Variants in SEC16A observed in about 807,000 individuals in gnomAD.
The protein encoded by SEC16A is SEC16 homolog A, endoplasmic reticulum export factor, also known as protein transport protein Sec16A.
SEC16A carries 110 observed loss-of-function variants against 221.9 expected under a neutral mutation model. The observed-to-expected ratio is 0.50, with a 90% CI of 0.42 to 0.58. The LOEUF (loss-of-function observed/expected upper bound fraction) is 0.58. Among genes scored for constraint, SEC16A ranks in the 20% least tolerant of loss-of-function variants. SEC16A has a pLI of 0.00. For missense variants in SEC16A, 3,165 were observed against 3,097.8 expected (o/e 1.02, Z -0.52); for synonymous variants, 1,393 against 1,257.7 (o/e 1.11, Z -2.28).
In SEC16A at chr9:136,443,872, C is replaced by T. The variant is rs750910008; in HGVS notation, c.6956G>A (p.Gly2319Asp). The change falls in exon 31 of 32, where the codon GGC becomes GAC. Residue 2319 changes from glycine to aspartate, a missense_variant. By Grantham distance (94) the Gly-to-Asp change is moderately conservative. Transcript: ENST00000684901. ...QAPGDLPAAG[G>D]PPSGAMPFYN... Reference sequence around the variant, plus strand: ...GAAGGGCATGGCCCCGCTGGGAGGGCCCCCTGCAGCAGGGAGGTCGCCAGG... The same window carrying T: ...GAAGGGCATGGCCCCGCTGGGAGGGTCCCCTGCAGCAGGGAGGTCGCCAGG... 1.2e-6 allele frequency: 2 copies of T among 1,610,576 alleles called. No individual in the cohort carries two copies. Among genetic ancestry groups the T allele is most frequent in the Admixed American group, 3.4e-5 (2 of 59,448 alleles).
In SEC16A at chr9:136,441,571, G is replaced by A. The variant is rs180890317; in HGVS notation, c.*184C>T. ...TTTCCATCCAGAATCTGAAAGGATG[G>A]TGGAATTAATTTTCAAAATAATTCA... On this transcript the variant is annotated 3_prime_UTR_variant, in exon 32 of 32. Coordinates refer to ENST00000684901, the MANE Select transcript of SEC16A (RefSeq NM_014866.2). 5.1e-6 allele frequency: 3 copies of A among 585,548 alleles called. No individual in the cohort carries two copies. Among genetic ancestry groups the A allele is most frequent in the Non-Finnish European group, 9.3e-6 (3 of 323,922 alleles). The allele number at this position is 585,548 out of a possible 1,614,324, so 36.3% of individuals were successfully genotyped here.
At position 136,440,379 on chromosome 9, in the gene SEC16A, ATCCTGGG is replaced by A; in HGVS notation, c.*1369_*1375del. 1 of 152,642 alleles carries A rather than the reference ATCCTGGG, an allele frequency of 6.6e-6. No homozygotes were observed. The allele number at this position is 152,642 out of a possible 1,614,324, so 9.5% of individuals were successfully genotyped here. Reference sequence around the variant, plus strand: ...ACGCCTGTGGAACATTTTGGAAAACATCCTGGGTGGTCTGGGCTAAATGATCAAGTGA... The same window carrying A: ...ACGCCTGTGGAACATTTTGGAAAACATGGTCTGGGCTAAATGATCAAGTGA... On this transcript the variant is annotated 3_prime_UTR_variant, in exon 32 of 32. Transcript: ENST00000684901.
chr9:136,462,930 T>G lies in SEC16A; in HGVS notation c.4850A>C (p.Glu1617Ala). The change falls in exon 12 of 32, where the codon GAG (glutamate) becomes GCG (alanine). Residue 1617 changes from glutamate (E) to alanine (A), a missense_variant. Physicochemically the swap from Glu to Ala is moderately radical, Grantham distance 107. Transcript: ENST00000684901. ...CAACAGCTCCCTGAACCTCTCGGTCTCTCTCTCGAGCGAGCTGGCGGCAGC... is the reference window on the plus strand; with the variant it reads ...CAACAGCTCCCTGAACCTCTCGGTCGCTCTCTCGAGCGAGCTGGCGGCAGC... ...PAAAASSLER[E>A]TERFRELLLY... 6.2e-7 allele frequency: 1 copy of G among 1,604,108 alleles called. No homozygotes were observed. Among genetic ancestry groups the G allele is most frequent in the East Asian group, 2.2e-5 (1 of 44,882 alleles).
In SEC16A at chr9:136,475,321, C is replaced by T. The variant is rs1216456042; in HGVS notation, c.2295G>A (p.Met765Ile). ...TTGGGTTCCGTGACTGCTGCCCGGACATCGCCTCTTCTGGAGGCTGAACAA... is the reference window on the plus strand; with the variant it reads ...TTGGGTTCCGTGACTGCTGCCCGGATATCGCCTCTTCTGGAGGCTGAACAA... ...PPVVQPPEEA[M>I]SGQQSRNPSS... The change falls in exon 3 of 32, where the codon ATG (methionine) becomes ATA (isoleucine). Residue 765 changes from methionine (M) to isoleucine (I), a missense_variant. Physicochemically the swap from Met to Ile is conservative, Grantham distance 10. Coordinates refer to ENST00000684901, the MANE Select transcript of SEC16A (RefSeq NM_014866.2). The surrounding 1 kb of genome is among the most constrained non-coding windows in gnomAD (Gnocchi z 5.0). The T allele has an allele frequency of 2.5e-6, 4 of 1,612,854 alleles. No individual in the cohort carries two copies. The highest frequency in any genetic ancestry group is 3.4e-6 in the Non-Finnish European group (4 of 1,179,222).
At chr9:136,483,672 A>T (rs891541746), upstream of SEC16A, 5 of 985,458 alleles carry the variant, frequency 5.1e-6, no homozygotes, top group East Asian at 3.4e-4. Flanking sequence ...ATCAGTCTGC[A>T]GGACCGATGC....
At position 136,468,468 on chromosome 9, in the gene SEC16A, C is replaced by T; in HGVS notation, c.3749G>A (p.Ser1250Asn). ...GCTTGCATAGTAATCGCTCTGACTG[C>T]TCCATCCACTTTTGGAACTATAGTA... ...EGYYSSKSGWSSQSDYYASYY... is the reference protein window; with the variant it reads ...EGYYSSKSGWNSQSDYYASYY... The change falls in exon 5 of 32, where the codon AGC becomes AAC. Residue 1250 changes from serine to asparagine, a missense_variant. Transcript: ENST00000684901. 1.2e-6 allele frequency: 2 copies of T among 1,613,514 alleles called. No individual in the cohort carries two copies. Among genetic ancestry groups the T allele is most frequent in the Non-Finnish European group, 1.7e-6 (2 of 1,179,472 alleles).
At chr9:136,445,526 T>C (rs1836851233) in intron 29 of SEC16A, 119 bp downstream of exon 29, 1 of 761,320 alleles carries the variant, frequency 1.3e-6, no homozygotes, top group Admixed American at 2.9e-5. Flanking sequence ...CGAGGTGCTC[T>C]TGTTTCTAAA....
Position 136,464,577 on chromosome 9 carries a change from A to G in SEC16A, c.4304-15T>C. 1 of 1,588,070 alleles carries G rather than the reference A, an allele frequency of 6.3e-7. No homozygotes were observed. Among genetic ancestry groups the G allele is most frequent in the Non-Finnish European group, 8.6e-7 (1 of 1,159,360 alleles). On this transcript the variant is annotated splice_polypyrimidine_tract_variant and intron_variant, in intron 8 of 31. Coordinates refer to ENST00000684901, the MANE Select transcript of SEC16A (RefSeq NM_014866.2). ...TCTTGATGAAACTGCATTTAAAATA[A>G]ATTGAAAAAGAAACAATCAGCTTGT...
Position 136,474,216 on chromosome 9 carries a change from C to T in SEC16A, c.3400G>A (p.Val1134Met), listed in dbSNP as rs1841301720. ...TGTGGCCACGGCTGCTCTGACGGCA[C>T]AGCTGCCTGGCCGGAGCCACTGGAC... ...LVSSGSGQAA[V>M]PSEQPWPQPV... is the part of the protein sequence containing the mutation. The change falls in exon 3 of 32, where the codon GTG becomes ATG. Residue 1134 changes from valine (V) to methionine (M), a missense_variant. Val to Met is a conservative substitution (Grantham distance 21). Transcript: ENST00000684901. 1.9e-6 allele frequency: 3 copies of T among 1,610,718 alleles called. No individual in the cohort carries two copies. Among genetic ancestry groups the T allele is most frequent in the African/African-American group, 1.3e-5 (1 of 75,038 alleles).
chr9:136,472,526 C>T (rs1025063036), intron 3 of SEC16A, among the ~76,000 whole-genome samples: 1 of 152,226 alleles, frequency 6.6e-6, no homozygotes, highest in African/African-American at 2.4e-5. Flanking sequence ...ATTTGAACAA[C>T]CCCTGCGTCC....
rs750736045 is a variant in SEC16A at position 136,441,808 on chromosome 9, C to G, written c.7021G>C (p.Gly2341Arg). The change falls in exon 32 of 32, where the codon GGG becomes CGG. Residue 2341 changes from glycine (G) to arginine (R), a missense_variant. By Grantham distance (125) the Gly-to-Arg change is moderately radical (BLOSUM62 -2). Coordinates refer to ENST00000684901, the MANE Select transcript of SEC16A (RefSeq NM_014866.2). ...CCAATCCTCCCTAGCCTTGAGCTCC[C>G]GGAGGTGGCGCAGGCCTGGAATGAA... is the stretch of plus-strand genomic sequence containing the variant. ...AQLAQACATS[G>R]SSRLGRIGQR... The G allele has an allele frequency of 6.2e-7, 1 of 1,613,162 alleles. No homozygotes were observed. Among genetic ancestry groups the G allele is most frequent in the South Asian group, 1.1e-5 (1 of 91,082 alleles).
At chr9:136,483,436 C>CA, upstream of SEC16A, 84 of 741,882 alleles carry the variant, frequency 1.1e-4, no homozygotes, top group African/African-American at 1.6e-4. Context: ...GTTCCCGCCC[C>CA]TTTGGCCCCG....
chr9:136,452,168 GCTGGGCGGGGTGGCTCATGC>G (rs887976392), intron 22 of SEC16A, among the ~76,000 whole-genome samples: 4 of 152,156 alleles, frequency 2.6e-5, no homozygotes, highest in Non-Finnish European at 5.9e-5. Context: ...AGACGGCCGG[GCTGGGCGGGGTGGCTCATGC>G]CTGTAATCCC....
Position 136,447,440 on chromosome 9 carries a change from C to A in SEC16A, c.6560-76G>T. 1 of 1,571,502 alleles carries A rather than the reference C, an allele frequency of 6.4e-7. No homozygotes were observed. Among genetic ancestry groups the A allele is most frequent in the Non-Finnish European group, 8.6e-7 (1 of 1,157,128 alleles). The stretch of plus-strand genomic sequence containing the variant: ...GCTTCCAAATGCTCTGCGCTCACTG[C>A]GTCAGAGGAAAAGCACGCAGGGACG... On this transcript the variant is annotated intron_variant, in intron 26 of 31. Transcript: ENST00000684901. This position sits in a 1 kb window ranked among gnomAD's most constrained non-coding sequence, Gnocchi z 5.5.
At chr9:136,482,897 T>C (rs1485850192) in intron 1 of SEC16A, 41 bp downstream of exon 1, 5 of 859,680 alleles carry the variant, frequency 5.8e-6, no homozygotes, top group Non-Finnish European at 1.4e-6. Flanking sequence ...TCCGCCTTCC[T>C]CCTCCCGCGC....
intron 22 of SEC16A, among the ~76,000 whole-genome samples, chr9:136,451,805 G>A (rs1023139809): frequency 7.9e-5 from 12 of 152,176 alleles, no homozygotes; most frequent in Non-Finnish European, 1.8e-4. Flanking sequence ...TTATTCCTGG[G>A]TCAAGTCCCA....
chr9:136,478,221 AGGG>A (rs1378995641), intron 2 of SEC16A, among the ~76,000 whole-genome samples: 1 of 152,130 alleles, frequency 6.6e-6, no homozygotes, highest in Non-Finnish European at 1.5e-5. Flanking sequence ...CCTGAGCAAC[AGGG>A]GGATCTCGTT....
In SEC16A at chr9:136,477,386, A is replaced by G; in HGVS notation, c.230T>C (p.Val77Ala). ...CCCTGCGGGGGCTGGGCCTTGCAAG[A>G]CAGGTGGACTGCTTTTGGACGAACT... The part of the protein sequence containing the change: ...LGSSSKSSPP[V>A]LQGPAPAGFS... Residue 77 changes from valine (V) to alanine (A), a missense_variant, in exon 3 of 32, where the codon GTC becomes GCC. Physicochemically the swap from Val to Ala is moderately conservative, Grantham distance 64. This residue lies in a region of SEC16A where 2,030 missense variants were observed against 1,923.1 expected (regional missense o/e 1.06). Transcript: ENST00000684901. 2 of 1,613,990 alleles carry G rather than the reference A, an allele frequency of 1.2e-6. No homozygotes were observed. The highest frequency in any genetic ancestry group is 1.7e-6 in the Non-Finnish European group (2 of 1,179,892).
In SEC16A at chr9:136,459,910, C is replaced by T. The variant is rs371172773; in HGVS notation, c.5074-36G>A. On this transcript the variant is annotated intron_variant, in intron 14 of 31. Transcript: ENST00000684901. The surrounding 1 kb of genome is among the most constrained non-coding windows in gnomAD (Gnocchi z 6.1). Reference sequence around the variant, plus strand: ...GAAAAACAAAACGAAGCCTCATCCCCGGAAGCCAGCGCCATTTCAATTCCA... The same window carrying T: ...GAAAAACAAAACGAAGCCTCATCCCTGGAAGCCAGCGCCATTTCAATTCCA... 60 of 1,576,588 alleles carry T rather than the reference C, an allele frequency of 3.8e-5. No individual in the cohort carries two copies. The highest frequency in any genetic ancestry group is 1.1e-4 in the African/African-American group (8 of 74,234).
Sources: allele counts gnomAD v4.1 joint callset (sites outside exome capture counted in the v4.1 genomes callset), GRCh38; gene constraint gnomAD v4.1.1; regional missense constraint gnomAD v4.1.1; non-coding constraint Gnocchi (gnomAD v3.1); transcripts MANE v1.5; gene names NCBI Gene and HGNC (gene_info 2026-07-23, HGNC 2026-07-21).